CNTNAP2: variants seen among roughly 807,000 people sequenced by gnomAD.
CNTNAP2 encodes the protein contactin associated protein 2.
CNTNAP2 carries 98 observed loss-of-function variants against 155.2 expected under a neutral mutation model. The ratio of observed to expected loss-of-function variants is 0.63; its 90% CI spans 0.54 to 0.75. CNTNAP2 has a LOEUF of 0.75. Among genes scored for constraint, CNTNAP2 ranks in the 30% least tolerant of loss-of-function variants. The probability of loss-of-function intolerance (pLI) is 0.00; values close to 1 mark genes in which losing one functional copy is unlikely to be tolerated. For missense variants in CNTNAP2, 1,727 were observed against 1,688.1 expected (o/e 1.02, Z -0.40); for synonymous variants, 651 against 631.2 (o/e 1.03, Z -0.47).
intron 3 of CNTNAP2, among the ~76,000 whole-genome samples, chr7:146,875,959 A>C (rs1468260576): frequency 5.6e-4 from 71 of 126,218 alleles, no homozygotes; most frequent in African/African-American, 7.1e-4. Flanking sequence ...AAAAAAAAAA[A>C]AACAAAAAAC....
At position 147,926,559 on chromosome 7, in the gene CNTNAP2, A is replaced by G. The variant is rs551548244; in HGVS notation, c.2255+22838A>G. Among the ~76,000 whole-genome samples the G allele has an allele frequency of 5.3e-5, 8 of 152,318 alleles. No homozygotes were observed. The South Asian group carries it at 1.7e-3, about 32-fold the overall frequency. ...TTTTACTTGTTGAACACATTAAGTC[A>G]CTGTGATCTACATGTAATTCCATCC... On this transcript the variant is annotated intron_variant, in intron 14 of 23. Transcript: ENST00000361727.
chr7:147,839,068 T>C (rs1798679610), intron 13 of CNTNAP2, among the ~76,000 whole-genome samples: 1 of 152,182 alleles, frequency 6.6e-6, no homozygotes, highest in Non-Finnish European at 1.5e-5. Flanking sequence ...GGGTCCAATG[T>C]TCAAGGGCAG....
rs1191530720 is a variant in CNTNAP2 at position 146,549,931 on chromosome 7, AG to A, written c.98-224339del. 1.5e-4 allele frequency among the ~76,000 whole-genome samples: 23 copies of A among 152,184 alleles called. 1 individual carries two copies. Among genetic ancestry groups the A allele is most frequent in the Non-Finnish European group, 3.2e-4 (22 of 67,996 alleles). Reference sequence around the variant, plus strand: ...ACTGTAACAGGTTGAGGATGACCTTAGTGTTGTGCTATTGATTTAGTCTCCA... The same window carrying A: ...ACTGTAACAGGTTGAGGATGACCTTATGTTGTGCTATTGATTTAGTCTCCA... On this transcript the variant is annotated intron_variant, in intron 1 of 23. Transcript: ENST00000361727.
intron 21 of CNTNAP2, among the ~76,000 whole-genome samples, chr7:148,371,574 T>C (rs1265642324): frequency 6.6e-6 from 1 of 152,194 alleles, no homozygotes; most frequent in Non-Finnish European, 1.5e-5. Context: ...AAAATTCTCC[T>C]TGAAGCCAAT....
At chr7:147,413,480 A>G (rs1347130985) in intron 10 of CNTNAP2, among the ~76,000 whole-genome samples, 1 of 152,192 alleles carries the variant, frequency 6.6e-6, no homozygotes, top group Non-Finnish European at 1.5e-5. Context: ...CTGTGCCAAG[A>G]GGAGTACTCT....
intron 21 of CNTNAP2, among the ~76,000 whole-genome samples, chr7:148,271,207 C>G (rs1429333675): frequency 6.6e-6 from 1 of 152,282 alleles, no homozygotes; most frequent in Admixed American, 6.5e-5. Context: ...CATTGTTACC[C>G]TCGTTGTATA....
At chr7:148,117,562 A>G (rs1804501622) in intron 15 of CNTNAP2, among the ~76,000 whole-genome samples, 1 of 152,140 alleles carries the variant, frequency 6.6e-6, no homozygotes, top group African/African-American at 2.4e-5. Flanking sequence ...AGAGCAAACT[A>G]CCAAAAACTT....
chr7:146,349,203 A>T lies in CNTNAP2; in HGVS notation c.97+232230A>T, dbSNP rs151216715. On this transcript the variant is annotated intron_variant, in intron 1 of 23. Coordinates refer to ENST00000361727, the MANE Select transcript of CNTNAP2 (RefSeq NM_014141.6). ...AATTCTGCCAAATTCTATTCGCCAG[A>T]AATAAATCACAAGTTCTGTCAATAT... is the stretch of plus-strand genomic sequence containing the variant. Among the ~76,000 whole-genome samples the T allele has an allele frequency of 3.4e-3, 523 of 152,294 alleles. 4 individuals are homozygous for T. Among genetic ancestry groups the T allele is most frequent in the African/African-American group, 0.012 (504 of 41,556 alleles).
At chr7:148,364,912 A>C (rs1252896101) in intron 21 of CNTNAP2, among the ~76,000 whole-genome samples, 1 of 152,188 alleles carries the variant, frequency 6.6e-6, no homozygotes, top group Non-Finnish European at 1.5e-5. Flanking sequence ...ATGAGCTGTA[A>C]CACTCACCGC....
intron 9 of CNTNAP2, among the ~76,000 whole-genome samples, chr7:147,307,909 A>AG (rs1442835668): frequency 2.0e-5 from 3 of 152,182 alleles, no homozygotes; most frequent in African/African-American, 7.2e-5. Context: ...GTTCATGTTG[A>AG]GGTAGTGAAC....
chr7:147,670,362 A>G (rs549319382), intron 13 of CNTNAP2, among the ~76,000 whole-genome samples: 1 of 152,282 alleles, frequency 6.6e-6, no homozygotes, highest in Non-Finnish European at 1.5e-5. Flanking sequence ...GAGAAATTCT[A>G]GGCAGAAAAG....
intron 10 of CNTNAP2, among the ~76,000 whole-genome samples, chr7:147,433,456 T>C (rs1797498292): frequency 6.6e-6 from 1 of 152,168 alleles, no homozygotes. Flanking sequence ...GAAAGGACTG[T>C]TATCTGCAGG....
rs1158288537 is a variant in CNTNAP2, at chr7:147,830,356, T to G, written c.2099-73209T>G. 2.0e-5 allele frequency among the ~76,000 whole-genome samples: 3 copies of G among 152,144 alleles called. No homozygotes were observed. In the East Asian group the frequency reaches 5.8e-4, roughly 29 times the overall value. ...ATGGCAGAGGGGAAAATGCACTCTC[T>G]GGGGCCTCTTGTATAAGGTCACTAA... On this transcript the variant is annotated intron_variant, in intron 13 of 23. Coordinates refer to ENST00000361727, the MANE Select transcript of CNTNAP2 (RefSeq NM_014141.6).
intron 1 of CNTNAP2, among the ~76,000 whole-genome samples, chr7:146,748,991 ACT>A (rs1453391374): frequency 6.6e-6 from 1 of 151,824 alleles, no homozygotes; most frequent in Non-Finnish European, 1.5e-5. Context: ...TTTTTACAAA[ACT>A]CTCTTGCTAA....
At chr7:147,502,554 T>A (rs1198790904) in intron 11 of CNTNAP2, among the ~76,000 whole-genome samples, 1 of 152,096 alleles carries the variant, frequency 6.6e-6, no homozygotes, top group Non-Finnish European at 1.5e-5. Flanking sequence ...ACAAGATGAA[T>A]AAGTTCTGGG....
At chr7:147,658,305 C>T (rs1179316666) in intron 13 of CNTNAP2, among the ~76,000 whole-genome samples, 6 of 151,730 alleles carry the variant, frequency 4.0e-5, no homozygotes, top group Non-Finnish European at 7.4e-5. Context: ...ATGAATTTTC[C>T]ACAAACCTAA....
At chr7:148,380,935 T>C (rs34777320) in intron 21 of CNTNAP2, among the ~76,000 whole-genome samples, 106,648 of 152,048 alleles carry the variant, frequency 0.7, 38,979 homozygotes, top group Admixed American at 0.8. Context: ...GAAGCACGCA[T>C]GTGAATGAGG....
intron 14 of CNTNAP2, among the ~76,000 whole-genome samples, chr7:147,954,426 A>T (rs1372019607): frequency 6.6e-6 from 1 of 151,980 alleles, no homozygotes; most frequent in African/African-American, 2.4e-5. Context: ...TAGTTTCACC[A>T]TTATACAGAA....
intron 13 of CNTNAP2, among the ~76,000 whole-genome samples, chr7:147,679,084 T>G (rs1453712640): frequency 6.6e-6 from 1 of 151,940 alleles, no homozygotes; most frequent in Non-Finnish European, 1.5e-5. Flanking sequence ...AATGAAAGCA[T>G]GTCATTCTTT....
Sources: allele counts gnomAD v4.1 joint callset (sites outside exome capture counted in the v4.1 genomes callset), GRCh38; gene constraint gnomAD v4.1.1; transcripts MANE v1.5; gene names NCBI Gene and HGNC (gene_info 2026-07-23, HGNC 2026-07-21).